The following SNTG2 variants were observed in gnomAD, a reference collection of about 807,000 sequenced individuals.
SNTG2 encodes syntrophin gamma 2.
Under a neutral mutation model 70.9 loss-of-function variants are expected in SNTG2, and 74 were observed. The ratio of observed to expected loss-of-function variants is 1.04; its 90% CI spans 0.86 to 1.27. The LOEUF (loss-of-function observed/expected upper bound fraction) is 1.27, where lower values mean the gene tolerates loss of function less well. Among genes scored for constraint, SNTG2 ranks in the 50% most tolerant of loss-of-function variants. SNTG2 has a pLI of 0.00. For missense variants in SNTG2, 717 were observed against 690.7 expected (o/e 1.04, Z -0.43); for synonymous variants, 278 against 273.8 (o/e 1.02, Z -0.15).
intron 9 of SNTG2, among the ~76,000 whole-genome samples, chr2:1,229,938 A>C (rs905452813): frequency 3.9e-5 from 6 of 152,236 alleles, no homozygotes; most frequent in African/African-American, 1.4e-4. Flanking sequence ...GCTGGCCCGC[A>C]AGCGCCGCAC....
chr2:981,284 C>T (rs1661086458), intron 1 of SNTG2, among the ~76,000 whole-genome samples: 1 of 152,178 alleles, frequency 6.6e-6, no homozygotes, highest in Non-Finnish European at 1.5e-5. Context: ...GGGTGATTTC[C>T]AGGCTGGGCC....
intron 9 of SNTG2, among the ~76,000 whole-genome samples, chr2:1,229,635 G>A (rs1042987544): frequency 2.0e-5 from 3 of 152,298 alleles, no homozygotes; most frequent in South Asian, 2.1e-4. Flanking sequence ...GGAACTGGGC[G>A]CTGTGGAGCA....
At chr2:968,242 C>G (rs559414602) in intron 1 of SNTG2, among the ~76,000 whole-genome samples, 1 of 151,990 alleles carries the variant, frequency 6.6e-6, no homozygotes, top group South Asian at 2.1e-4. Flanking sequence ...GGAACTTTGT[C>G]CTAAGTAATG....
chr2:1,114,181 CTAAG>C (rs764606266), intron 4 of SNTG2, among the ~76,000 whole-genome samples: 19 of 138,046 alleles, frequency 1.4e-4, no homozygotes, highest in Non-Finnish European at 2.8e-4. Flanking sequence ...TCGTGTGTAA[CTAAG>C]TGAGGTTTAA....
chr2:968,679 G>A (rs1197838804), intron 1 of SNTG2, among the ~76,000 whole-genome samples: 3 of 152,056 alleles, frequency 2.0e-5, no homozygotes, highest in Non-Finnish European at 4.4e-5. Flanking sequence ...TTTTGGAAGT[G>A]TCTGTTCATG....
intron 6 of SNTG2, among the ~76,000 whole-genome samples, chr2:1,152,202 T>G (rs972172806): frequency 6.6e-6 from 1 of 152,196 alleles, no homozygotes; most frequent in African/African-American, 2.4e-5. Context: ...TGTGTGAAGA[T>G]GTAGGGTAGA....
At chr2:1,060,119 A>G (rs759620076) in intron 1 of SNTG2, among the ~76,000 whole-genome samples, 1 of 152,256 alleles carries the variant, frequency 6.6e-6, no homozygotes, top group Non-Finnish European at 1.5e-5. Flanking sequence ...GCCTTAGTGT[A>G]GGAAAGATGT....
chr2:961,200 G>T (rs1660338008), intron 1 of SNTG2, among the ~76,000 whole-genome samples: 1 of 151,794 alleles, frequency 6.6e-6, no homozygotes, highest in Admixed American at 6.6e-5. Context: ...ACTACTGTTA[G>T]ATTTTATTTT....
At chr2:1,122,003 C>G (rs888973729) in intron 4 of SNTG2, among the ~76,000 whole-genome samples, 2 of 151,946 alleles carry the variant, frequency 1.3e-5, no homozygotes, top group African/African-American at 4.8e-5. Context: ...ATTGGACTAC[C>G]TAGAGGAAAT....
chr2:1,045,715 T>C (rs2148067190), intron 1 of SNTG2, among the ~76,000 whole-genome samples: 1 of 152,350 alleles, frequency 6.6e-6, no homozygotes, highest in Non-Finnish European at 1.5e-5. Flanking sequence ...TATTGATTTC[T>C]ACTTTTATTG....
intron 1 of SNTG2, among the ~76,000 whole-genome samples, chr2:1,038,800 C>T: frequency 6.6e-6 from 1 of 152,130 alleles, no homozygotes; most frequent in Non-Finnish European, 1.5e-5. Flanking sequence ...AGCTAGAAGC[C>T]TAGTCTTAAT....
chr2:1,290,076 T>C (rs1255340701), intron 14 of SNTG2, among the ~76,000 whole-genome samples: 6 of 152,208 alleles, frequency 3.9e-5, no homozygotes, highest in Non-Finnish European at 8.8e-5. Flanking sequence ...CTGCTGGGAA[T>C]AATGTTGCTA....
intron 1 of SNTG2, among the ~76,000 whole-genome samples, chr2:960,290 A>G (rs1479469349): frequency 6.6e-6 from 1 of 152,204 alleles, no homozygotes; most frequent in Non-Finnish European, 1.5e-5. Flanking sequence ...GTAGGATCCC[A>G]CAGTGGGGAA....
intron 1 of SNTG2, among the ~76,000 whole-genome samples, chr2:960,434 G>C (rs956690607): frequency 6.6e-6 from 1 of 152,176 alleles, no homozygotes; most frequent in East Asian, 1.9e-4. Context: ...TTTTCTCATC[G>C]GTGAGATTGG....
intron 4 of SNTG2, among the ~76,000 whole-genome samples, chr2:1,134,152 A>G (rs982967186): frequency 6.6e-6 from 1 of 152,052 alleles, no homozygotes; most frequent in African/African-American, 2.4e-5. Context: ...CTTTGCGGTG[A>G]GTGTTACAGC....
At chr2:1,022,796 T>G (rs1348310751) in intron 1 of SNTG2, among the ~76,000 whole-genome samples, 1 of 152,150 alleles carries the variant, frequency 6.6e-6, no homozygotes, top group African/African-American at 2.4e-5. Flanking sequence ...CTTTCCCCCT[T>G]CCATGAGAAT....
At chr2:1,322,630 TCA>T (rs1164031949) in intron 16 of SNTG2, among the ~76,000 whole-genome samples, 4 of 152,090 alleles carry the variant, frequency 2.6e-5, no homozygotes, top group African/African-American at 9.7e-5. Context: ...TCTATCTCTC[TCA>T]CTCTGTCTCT....
intron 16 of SNTG2, chr2:1,346,382 A>T (rs1316496580): frequency 2.0e-5 from 3 of 152,228 alleles, no homozygotes; most frequent in Non-Finnish European, 2.9e-5. Context: ...CACCCTGACC[A>T]CAGGGTGCAC....
chr2:1,223,516 C>G (rs974695273), intron 9 of SNTG2, among the ~76,000 whole-genome samples: 1 of 152,230 alleles, frequency 6.6e-6, no homozygotes, highest in Non-Finnish European at 1.5e-5. Flanking sequence ...AGCCCCACAA[C>G]CACAGCTGTG....
Sources: allele counts gnomAD v4.1 joint callset (sites outside exome capture counted in the v4.1 genomes callset), GRCh38; gene constraint gnomAD v4.1.1; transcripts MANE v1.5; gene names NCBI Gene and HGNC (gene_info 2026-07-23, HGNC 2026-07-21).